The following ZFR2 variants were observed in gnomAD, a reference collection of about 807,000 sequenced individuals.
ZFR2 encodes the protein zinc finger RNA binding protein 2.
Under a neutral mutation model 105.7 loss-of-function variants are expected in ZFR2, and 104 were observed. The ratio of observed to expected loss-of-function variants is 0.98; its 90% CI spans 0.84 to 1.16. The LOEUF (loss-of-function observed/expected upper bound fraction) is 1.16, where lower values mean the gene tolerates loss of function less well. ZFR2 is among the 50% of genes most tolerant of loss of function. ZFR2 has a pLI of 0.00. For synonymous variants in ZFR2, 634 were observed against 597.7 expected (o/e 1.06, Z -0.89); for missense variants, 1,425 against 1,355.5 (o/e 1.05, Z -0.80).
intron 16 of ZFR2, among the ~76,000 whole-genome samples, chr19:3,809,496 A>G (rs1218647010): frequency 6.6e-6 from 1 of 152,154 alleles, no homozygotes; most frequent in Non-Finnish European, 1.5e-5. Context: ...CTGGCCTCCC[A>G]CAGCACTGTG....
At position 3,807,205 on chromosome 19, in the gene ZFR2, G is replaced by C. The variant is rs771967431; in HGVS notation, c.2610C>G (p.Leu870=). The C allele has an allele frequency of 2.6e-6, 4 of 1,559,042 alleles. No homozygotes were observed. In the African/African-American group the frequency reaches 5.4e-5, roughly 21 times the overall value. ...TGGCGGTCACGTCTTCCCGCTCTTG[G>C]AGGGTCATGGGCTCGAGGGCATCTG... ...DQTDALEPMT[L]QEREDVTASA... The change falls in exon 18 of 19, where the codon CTC becomes CTG. Residue 870 remains leucine (L), a synonymous_variant. Coordinates refer to ENST00000262961, the MANE Select transcript of ZFR2 (RefSeq NM_015174.2).
At chr19:3,849,282 T>C (rs1364696262) in intron 1 of ZFR2, among the ~76,000 whole-genome samples, 2 of 152,258 alleles carry the variant, frequency 1.3e-5, no homozygotes, top group Non-Finnish European at 2.9e-5. Flanking sequence ...TATCTGCTCC[T>C]GCTGTGCCTC....
chr19:3,861,418 GGAGTTT>G (rs1234452527), intron 1 of ZFR2, among the ~76,000 whole-genome samples: 17 of 151,906 alleles, frequency 1.1e-4, no homozygotes, highest in Admixed American at 3.9e-4. Context: ...CTTAAGCTCA[GGAGTTT>G]GAGACCAGCC....
rs1281834247 is a variant in ZFR2, at chr19:3,841,521, CA to C, written c.54-6539del. Among the ~76,000 whole-genome samples the C allele has an allele frequency of 8.6e-5, 13 of 151,610 alleles. No individual in the cohort carries two copies. In the South Asian group the frequency reaches 1.9e-3, roughly 22 times the overall value. On this transcript the variant is annotated intron_variant, in intron 1 of 18. Coordinates refer to ENST00000262961, the MANE Select transcript of ZFR2 (RefSeq NM_015174.2). The stretch of plus-strand genomic sequence containing the variant: ...GCAACATAGCCAGACCCTGTCCCTA[CA>C]AAAAATAAAAAAAAATTAGCCGGGT...
At chr19:3,841,572 C>T (rs1027758824) in intron 1 of ZFR2, among the ~76,000 whole-genome samples, 2 of 152,028 alleles carry the variant, frequency 1.3e-5, no homozygotes, top group Admixed American at 1.3e-4. Flanking sequence ...GTAGTCCCAG[C>T]TACTCGGGAG....
At chr19:3,833,931 A>AGGCAGGGGGCAGGGGGCAGGG (rs558694587) in intron 2 of ZFR2, among the ~76,000 whole-genome samples, 153 bp from the exon 3 acceptor site, 2 of 151,004 alleles carry the variant, frequency 1.3e-5, no homozygotes, top group East Asian at 2.0e-4. Flanking sequence ...CCTGGCCCGG[A>AGGCAGGGGGCAGGGGGCAGGG]GGCAGGGGGC....
chr19:3,814,178 C>A (rs1169026199), intron 13 of ZFR2, among the ~76,000 whole-genome samples: 1 of 152,134 alleles, frequency 6.6e-6, no homozygotes, highest in African/African-American at 2.4e-5. Context: ...GTACAGACAA[C>A]AGATCATGTG....
At chr19:3,833,247 T>TA (rs2038038096) in intron 3 of ZFR2, among the ~76,000 whole-genome samples, 1 of 101,536 alleles carries the variant, frequency 9.8e-6, no homozygotes, top group Admixed American at 1.2e-4. Flanking sequence ...AGACTCCGTC[T>TA]CAAAAAAAAA....
chr19:3,868,584 C>A (rs952748685), intron 1 of ZFR2, among the ~76,000 whole-genome samples: 4 of 150,730 alleles, frequency 2.7e-5, no homozygotes, highest in Non-Finnish European at 5.9e-5. Context: ...AGACCACCCA[C>A]CCCCCGCCCG....
At chr19:3,824,315 C>T (rs1254055415) in intron 7 of ZFR2, among the ~76,000 whole-genome samples, 1 of 152,116 alleles carries the variant, frequency 6.6e-6, no homozygotes, top group African/African-American at 2.4e-5. Flanking sequence ...CAAAACAAAA[C>T]AAACCACGAA....
chr19:3,822,106 C>A lies in ZFR2; in HGVS notation c.1466G>T (p.Gly489Val). The A allele has an allele frequency of 6.2e-7, 1 of 1,608,612 alleles. No individual in the cohort carries two copies. The highest frequency in any genetic ancestry group is 8.5e-7 in the Non-Finnish European group (1 of 1,177,980). Reference protein sequence around the residue: ...DLNAKDLHVRGRRHRLQYRKK... With the variant: ...DLNAKDLHVRVRRHRLQYRKK... ...CCGGTACTGCAGCCGGTGCCGCCGCCCCCTCACGTGCAGGTCCTTCGCGTT... is the reference window on the plus strand; with the variant it reads ...CCGGTACTGCAGCCGGTGCCGCCGCACCCTCACGTGCAGGTCCTTCGCGTT... Residue 489 changes from glycine to valine, a missense_variant, in exon 9 of 19, where the codon GGG (glycine) becomes GTG (valine). By Grantham distance (109) the Gly-to-Val change is moderately radical. Coordinates refer to ENST00000262961, the MANE Select transcript of ZFR2 (RefSeq NM_015174.2).
Position 3,816,694 on chromosome 19 carries a change from G to A in ZFR2, c.2083C>T (p.Gln695Ter), listed in dbSNP as rs745804875. The A allele has an allele frequency of 1.8e-5, 29 of 1,609,706 alleles. No individual in the cohort carries two copies. Among genetic ancestry groups the A allele is most frequent in the Non-Finnish European group, 2.4e-5 (28 of 1,177,792 alleles). ...CTTACCTGGAGCTGCCGGGGCAGCTGCTGGGCGATCCTCCGCAGCAGGCTG... is the reference window on the plus strand; with the variant it reads ...CTTACCTGGAGCTGCCGGGGCAGCTACTGGGCGATCCTCCGCAGCAGGCTG... ...THSLLRRIAQQLPRQLQMVTE... is the reference protein window; with the variant it reads ...THSLLRRIAQ The change falls in exon 13 of 19, where the codon CAG (glutamine) becomes TAG (stop). Residue 695 changes from glutamine to a stop codon, truncating the protein, a stop_gained. Transcript: ENST00000262961. LOFTEE classifies it high-confidence loss of function.
In ZFR2 at chr19:3,825,368, T is replaced by C; in HGVS notation, c.1075A>G (p.Thr359Ala). 1 of 1,585,294 alleles carries C rather than the reference T, an allele frequency of 6.3e-7. No homozygotes were observed. The highest frequency in any genetic ancestry group is 1.1e-5 in the South Asian group (1 of 87,120). The stretch of plus-strand genomic sequence containing the variant: ...TCTGTGGCCAGTGCAGGCTCGAGGG[T>C]GGGAATGGGCTTCCCCAGTTTGGCG... ...LHAKLGKPIP[T>A]LEPALATESP... The change falls in exon 7 of 19, where the codon ACC becomes GCC. Residue 359 changes from threonine to alanine, a missense_variant. Transcript: ENST00000262961.
At chr19:3,860,795 G>C (rs759461678) in intron 1 of ZFR2, among the ~76,000 whole-genome samples, 1 of 152,164 alleles carries the variant, frequency 6.6e-6, no homozygotes, top group African/African-American at 2.4e-5. Context: ...TCAGGAACAA[G>C]GAGGGGTCAT....
chr19:3,857,914 C>T (rs913191322), intron 1 of ZFR2, among the ~76,000 whole-genome samples: 10 of 152,078 alleles, frequency 6.6e-5, no homozygotes, highest in African/African-American at 1.7e-4. Flanking sequence ...AGGTGGGAAA[C>T]GGGGAGCCCA....
At chr19:3,868,864 G>T in intron 1 of ZFR2, 101 bp downstream of exon 1, 1 of 1,009,590 alleles carries the variant, frequency 9.9e-7, no homozygotes, top group South Asian at 4.8e-5. Flanking sequence ...GGCTGGGACT[G>T]GGGCCGGGCC....
chr19:3,812,939 G>A (rs929127280), intron 14 of ZFR2, among the ~76,000 whole-genome samples: 5 of 152,004 alleles, frequency 3.3e-5, no homozygotes, highest in South Asian at 4.1e-4. Context: ...AAATTAACTG[G>A]GTATAGTGGC....
intron 1 of ZFR2, among the ~76,000 whole-genome samples, chr19:3,841,726 G>A (rs1196928107): frequency 6.6e-6 from 1 of 151,914 alleles, no homozygotes; most frequent in Non-Finnish European, 1.5e-5. Flanking sequence ...GATCGCTTGA[G>A]CCCAGGAGTT....
chr19:3,813,427 T>C lies in ZFR2; in HGVS notation c.2242+393A>G, dbSNP rs988538493. The stretch of plus-strand genomic sequence containing the variant: ...GTGGCACTGGGACTGTGGTGACTGA[T>C]GGACAGAGTCAAACTGAGCTTCTGC... On this transcript the variant is annotated intron_variant, in intron 14 of 18. Transcript: ENST00000262961. The surrounding 1 kb of genome is among the most constrained non-coding windows in gnomAD (Gnocchi z 4.4). 6.6e-6 allele frequency among the ~76,000 whole-genome samples: 1 copy of C among 152,146 alleles called. No homozygotes were observed. The highest frequency in any genetic ancestry group is 2.4e-5 in the African/African-American group (1 of 41,444).
Sources: allele counts gnomAD v4.1 joint callset (sites outside exome capture counted in the v4.1 genomes callset), GRCh38; gene constraint gnomAD v4.1.1; non-coding constraint Gnocchi (gnomAD v3.1); transcripts MANE v1.5; gene names NCBI Gene and HGNC (gene_info 2026-07-23, HGNC 2026-07-21).